The following STAG1 variants were observed in gnomAD, a reference collection of about 807,000 sequenced individuals.
The protein encoded by STAG1 is STAG1 cohesin complex component, also known as cohesin subunit SA-1.
A neutral mutation model predicts 170.9 loss-of-function variants in STAG1; 26 were observed. The ratio of observed to expected loss-of-function variants is 0.15; its 90% confidence interval spans 0.11 to 0.21. The LOEUF (loss-of-function observed/expected upper bound fraction) is 0.21. Ranked by LOEUF, STAG1 falls within the 10% of genes least tolerant of loss-of-function variation. The pLI is 1.00. For synonymous variants in STAG1, 514 were observed against 497.7 expected (o/e 1.03, Z -0.44); for missense variants, 964 against 1,509.5 (o/e 0.64, Z 5.99).
intron 28 of STAG1, among the ~76,000 whole-genome samples, chr3:136,353,525 C>G (rs1314826741): frequency 6.6e-6 from 1 of 152,202 alleles, no homozygotes; most frequent in Non-Finnish European, 1.5e-5. Context: ...TTCTTATCAC[C>G]TGGCTCACAA....
intron 6 of STAG1, among the ~76,000 whole-genome samples, chr3:136,532,611 A>T (rs1935428425): frequency 6.6e-6 from 1 of 152,190 alleles, no homozygotes; most frequent in African/African-American, 2.4e-5. Flanking sequence ...GGATGGTTTA[A>T]CGTATGCAAA....
intron 5 of STAG1, among the ~76,000 whole-genome samples, chr3:136,552,585 C>T (rs1936450785): frequency 6.6e-6 from 1 of 152,136 alleles, no homozygotes; most frequent in Admixed American, 6.5e-5. Flanking sequence ...AGCCTATTTG[C>T]TTCAGTTGGG....
chr3:136,386,707 G>A (rs900481346), intron 22 of STAG1, among the ~76,000 whole-genome samples: 1 of 150,882 alleles, frequency 6.6e-6, no homozygotes, highest in Non-Finnish European at 1.5e-5. Flanking sequence ...TTTTTTTTTT[G>A]GTATTTTTTT....
chr3:136,522,602 G>A (rs1934738488), intron 6 of STAG1, among the ~76,000 whole-genome samples: 1 of 151,714 alleles, frequency 6.6e-6, no homozygotes, highest in East Asian at 1.9e-4. Context: ...TTAGTTCTAG[G>A]GTACATGTGC....
rs1345390009 is a variant in STAG1 at position 136,337,651 on chromosome 3, T to C, written c.*603A>G. 1 of 152,688 alleles carries C rather than the reference T, an allele frequency of 6.5e-6. No homozygotes were observed. Among genetic ancestry groups the C allele is most frequent in the Non-Finnish European group, 1.5e-5 (1 of 68,044 alleles). The allele number at this position is 152,688 out of a possible 1,614,324, so 9.5% of individuals were successfully genotyped here. On this transcript the variant is annotated 3_prime_UTR_variant, in exon 34 of 34. Transcript: ENST00000383202. Reference sequence around the variant, plus strand: ...CCATATCCACAGAGGGTGTGTGGTTTTTGGCAGAGATGTACTATGTCAGAA... The same window carrying C: ...CCATATCCACAGAGGGTGTGTGGTTCTTGGCAGAGATGTACTATGTCAGAA...
intron 7 of STAG1, among the ~76,000 whole-genome samples, chr3:136,514,078 A>G (rs1934219445): frequency 6.6e-6 from 1 of 152,156 alleles, no homozygotes; most frequent in Non-Finnish European, 1.5e-5. Flanking sequence ...TTATTTTTGT[A>G]CTTTTCTCTT....
At chr3:136,481,777 A>T in intron 9 of STAG1, among the ~76,000 whole-genome samples, 2 of 96,718 alleles carry the variant, frequency 2.1e-5, no homozygotes, top group Non-Finnish European at 2.1e-5. Flanking sequence ...TGGTCTATTC[A>T]GAGATTCAAC....
intron 1 of STAG1, among the ~76,000 whole-genome samples, chr3:136,631,842 A>G (rs1940342980): frequency 6.6e-6 from 1 of 152,192 alleles, no homozygotes; most frequent in African/African-American, 2.4e-5. Flanking sequence ...ACAGAAAGAC[A>G]AAGTACAAGG....
At chr3:136,679,802 T>A (rs1240494823) in intron 1 of STAG1, among the ~76,000 whole-genome samples, 1 of 150,654 alleles carries the variant, frequency 6.6e-6, no homozygotes, top group Non-Finnish European at 1.5e-5. Context: ...CTCAGGTGGC[T>A]GAGGCATGAG....
chr3:136,404,396 G>A (rs537949835), intron 21 of STAG1, among the ~76,000 whole-genome samples: 5 of 152,186 alleles, frequency 3.3e-5, no homozygotes, highest in South Asian at 4.2e-4. Flanking sequence ...TTAACAAGTA[G>A]GAGTGCCTTT....
intron 21 of STAG1, among the ~76,000 whole-genome samples, chr3:136,403,224 T>TAAAAAAAAAAAAAA (rs55678408): frequency 3.3e-4 from 11 of 33,598 alleles, no homozygotes; most frequent in Admixed American, 5.8e-4. Context: ...GAGACTGTCT[T>TAAAAAAAAAAAAAA]AAAAAAAAAA....
At chr3:136,545,689 C>G (rs1323977210) in intron 5 of STAG1, among the ~76,000 whole-genome samples, 2 of 151,718 alleles carry the variant, frequency 1.3e-5, no homozygotes, top group African/African-American at 4.8e-5. Flanking sequence ...TGCATGGGAT[C>G]TGTCTAAACA....
chr3:136,744,092 C>T (rs1934812241), intron 1 of STAG1, among the ~76,000 whole-genome samples: 1 of 152,228 alleles, frequency 6.6e-6, no homozygotes, highest in Admixed American at 6.5e-5. Context: ...CTTTGGGAGG[C>T]TGAGGCAGGC....
chr3:136,648,552 C>G (rs764805171), intron 1 of STAG1, among the ~76,000 whole-genome samples: 5 of 152,228 alleles, frequency 3.3e-5, no homozygotes, highest in Non-Finnish European at 5.9e-5. Context: ...CCTCTACCCT[C>G]TCTGTCCTCC....
At chr3:136,668,873 G>C (rs934758549) in intron 1 of STAG1, among the ~76,000 whole-genome samples, 3 of 152,124 alleles carry the variant, frequency 2.0e-5, no homozygotes, top group Non-Finnish European at 2.9e-5. Flanking sequence ...AACACTTCCA[G>C]AACTATCACA....
intron 9 of STAG1, among the ~76,000 whole-genome samples, chr3:136,479,195 T>G (rs2089853789): frequency 6.8e-6 from 1 of 146,756 alleles, no homozygotes; most frequent in Admixed American, 6.8e-5. Flanking sequence ...TCATCTAGCA[T>G]TAGGTATATC....
intron 22 of STAG1, among the ~76,000 whole-genome samples, chr3:136,390,982 C>A (rs535926152): frequency 6.6e-6 from 1 of 152,192 alleles, no homozygotes; most frequent in Non-Finnish European, 1.5e-5. Flanking sequence ...ATCAGTCCCA[C>A]CTTCACCCTT....
rs1340100137 is a variant in STAG1 at position 136,551,445 on chromosome 3, G to C, written c.395-9250C>G. 3.0e-4 allele frequency among the ~76,000 whole-genome samples: 4 copies of C among 13,284 alleles called. 1 individual carries two copies. The highest frequency in any genetic ancestry group is 9.8e-4 in the African/African-American group (3 of 3,066). 8.7% of individuals were successfully genotyped at this position (13,284 alleles called of 152,430 possible). On this transcript the variant is annotated intron_variant, in intron 5 of 33. Transcript: ENST00000383202. Reference sequence around the variant, plus strand: ...TCTGGCTAATTTTTTTTTTTTTTTGGCAGGGGGAAGAGGGGAGAGAGATAG... The same window carrying C: ...TCTGGCTAATTTTTTTTTTTTTTTGCCAGGGGGAAGAGGGGAGAGAGATAG...
intron 1 of STAG1, among the ~76,000 whole-genome samples, chr3:136,685,696 A>G (rs1942496673): frequency 6.6e-6 from 1 of 152,214 alleles, no homozygotes; most frequent in South Asian, 2.1e-4. Context: ...AAGATTATAT[A>G]TTGTATGATT....
Sources: gnomAD v4.1 joint callset for allele counts (sites outside exome capture counted in the v4.1 genomes callset) on GRCh38, gnomAD v4.1.1 for gene constraint, MANE v1.5 for transcripts, NCBI Gene and HGNC (gene_info 2026-07-23, HGNC 2026-07-21) for gene names.